HPSE2: variants seen among roughly 807,000 people sequenced by gnomAD.
The protein encoded by HPSE2 is inactive heparanase-2.
HPSE2 carries 38 observed loss-of-function variants against 60.5 expected under a neutral mutation model. That is an observed-to-expected ratio of 0.63 (90% CI 0.48 to 0.82). The LOEUF is 0.82. HPSE2 is among the 40% of genes least tolerant of loss of function. HPSE2 has a pLI of 0.00. For missense variants in HPSE2, 713 were observed against 740.4 expected, an observed-to-expected ratio of 0.96 and a Z score of 0.43; for synonymous variants, 295 against 293.2, an observed-to-expected ratio of 1.01 and a Z score of -0.06.
intron 9 of HPSE2, among the ~76,000 whole-genome samples, chr10:98,490,975 T>C (rs1941623814): frequency 6.6e-6 from 1 of 152,232 alleles, no homozygotes; most frequent in African/African-American, 2.4e-5. Flanking sequence ...GACATAAATA[T>C]AAAATTTACA....
At chr10:99,030,729 T>C (rs1394481930) in intron 3 of HPSE2, among the ~76,000 whole-genome samples, 1 of 152,214 alleles carries the variant, frequency 6.6e-6, no homozygotes, top group African/African-American at 2.4e-5. Flanking sequence ...AGCCAAGATT[T>C]GGAAGCAACC....
At chr10:99,054,234 G>A (rs1397533913) in intron 3 of HPSE2, among the ~76,000 whole-genome samples, 6 of 152,104 alleles carry the variant, frequency 3.9e-5, no homozygotes, top group Non-Finnish European at 8.8e-5. Context: ...GATAGTGCTA[G>A]GTTTATCAGA....
At chr10:99,146,713 T>G (rs1305492975) in intron 2 of HPSE2, among the ~76,000 whole-genome samples, 1 of 151,852 alleles carries the variant, frequency 6.6e-6, no homozygotes, top group South Asian at 2.1e-4. Flanking sequence ...ATACAAAAAT[T>G]AGCTGGGCGT....
chr10:98,543,157 G>C (rs1414919773), intron 9 of HPSE2, among the ~76,000 whole-genome samples: 1 of 152,164 alleles, frequency 6.6e-6, no homozygotes, highest in Non-Finnish European at 1.5e-5. Context: ...AGCCAGAAGA[G>C]AGTGGGGGCC....
chr10:99,072,927 CAAAA>C lies in HPSE2; in HGVS notation c.610+71307_610+71310del, dbSNP rs770699941. ...CTGGTGACAGAGCCAGGCTCCGTCT[CAAAA>C]AAAAAAAAAAAAAAAAAAAAAAAAA... On this transcript the variant is annotated intron_variant, in intron 3 of 11. Coordinates refer to ENST00000370552, the MANE Select transcript of HPSE2 (RefSeq NM_021828.5). Among the ~76,000 whole-genome samples, 7 of 88,026 alleles carry C rather than the reference CAAAA, an allele frequency of 8.0e-5. No homozygotes were observed. In the East Asian group the frequency reaches 1.2e-3, roughly 16 times the overall value. 57.7% of individuals were successfully genotyped at this position (88,026 alleles called of 152,430 possible). A position where few individuals can be genotyped will look rare whatever the true frequency, so the allele number is the denominator to read the frequency against.
At chr10:98,505,019 T>C (rs1274199597) in intron 9 of HPSE2, among the ~76,000 whole-genome samples, 2 of 152,234 alleles carry the variant, frequency 1.3e-5, no homozygotes, top group Non-Finnish European at 2.9e-5. Flanking sequence ...GGTTATTACA[T>C]GCACTTACAG....
intron 5 of HPSE2, among the ~76,000 whole-genome samples, chr10:98,695,226 T>A (rs1948181105): frequency 6.6e-6 from 1 of 151,568 alleles, no homozygotes; most frequent in Non-Finnish European, 1.5e-5. Flanking sequence ...AAGGACAGGA[T>A]GGGTCTGAGA....
chr10:99,007,934 C>T (rs1287923125), intron 3 of HPSE2, among the ~76,000 whole-genome samples: 5 of 152,188 alleles, frequency 3.3e-5, no homozygotes, highest in African/African-American at 9.6e-5. Context: ...ATGATGCTGC[C>T]ACCCTCTCCC....
At chr10:99,274,125 C>T in the HPSE2 span, among the ~76,000 whole-genome samples, 1 of 152,206 alleles carries the variant, frequency 6.6e-6, no homozygotes, top group African/African-American at 2.4e-5. Flanking sequence ...GCAGGCAGAT[C>T]GCTTGAGGCC....
At chr10:98,989,397 C>T (rs1211595024) in intron 3 of HPSE2, among the ~76,000 whole-genome samples, 1 of 148,586 alleles carries the variant, frequency 6.7e-6, no homozygotes. Context: ...ATCGCAAGGA[C>T]AAAAAACCAA....
Position 98,457,566 on chromosome 10 carries a change from G to C in HPSE2, c.*2008C>G, listed in dbSNP as rs1408212014. 1 of 152,262 alleles carries C rather than the reference G, an allele frequency of 6.6e-6. No homozygotes were observed. The highest frequency in any genetic ancestry group is 2.4e-5 in the African/African-American group (1 of 41,448). 9.4% of individuals were successfully genotyped at this position (152,262 alleles called of 1,614,324 possible). A position where few individuals can be genotyped will look rare whatever the true frequency, so the allele number is the denominator to read the frequency against. On this transcript the variant is annotated 3_prime_UTR_variant, in exon 12 of 12. Coordinates refer to ENST00000370552, the MANE Select transcript of HPSE2 (RefSeq NM_021828.5). ...GGGCCCTGCAGTCGCACCTGTACCA[G>C]TATGTAGAAGAGACGTTGATATCTG...
intron 3 of HPSE2, among the ~76,000 whole-genome samples, chr10:99,132,210 AGAGAGAGAGAG>A (rs1845449705): frequency 2.4e-4 from 7 of 28,954 alleles, no homozygotes; most frequent in African/African-American, 4.1e-4. Context: ...AGAGAGAGAG[AGAGAGAGAGAG>A]AGAGAGAGAG....
chr10:98,621,982 T>C (rs1454540706), intron 7 of HPSE2, among the ~76,000 whole-genome samples: 1 of 152,230 alleles, frequency 6.6e-6, no homozygotes, highest in Non-Finnish European at 1.5e-5. Context: ...ATTTAGGTCC[T>C]ATGGCCCCCC....
chr10:98,479,940 G>A (rs1339328146), intron 11 of HPSE2, among the ~76,000 whole-genome samples: 1 of 152,138 alleles, frequency 6.6e-6, no homozygotes, highest in Non-Finnish European at 1.5e-5. Context: ...AAAGATAAAT[G>A]GTAGCATCTG....
At chr10:98,905,139 C>T (rs966566810) in intron 3 of HPSE2, among the ~76,000 whole-genome samples, 3 of 151,654 alleles carry the variant, frequency 2.0e-5, no homozygotes, top group South Asian at 2.1e-4. Flanking sequence ...TACTTTTATA[C>T]GATTACTAAC....
chr10:98,458,247 C>T lies in HPSE2; in HGVS notation c.*1327G>A, dbSNP rs938995404. On this transcript the variant is annotated 3_prime_UTR_variant, in exon 12 of 12. Coordinates refer to ENST00000370552, the MANE Select transcript of HPSE2 (RefSeq NM_021828.5). ...CTTGGAACAGTGTCAAATCTCTCCTCCTTCTAACAAAAGCATCATTCCTGT... is the reference window on the plus strand; with the variant it reads ...CTTGGAACAGTGTCAAATCTCTCCTTCTTCTAACAAAAGCATCATTCCTGT... The T allele has an allele frequency of 6.6e-6, 1 of 152,198 alleles. No homozygotes were observed. The highest frequency in any genetic ancestry group is 2.4e-5 in the African/African-American group (1 of 41,444). The allele number at this position is 152,198 out of a possible 1,614,324, so 9.4% of individuals were successfully genotyped here. A position where few individuals can be genotyped will look rare whatever the true frequency, so the allele number is the denominator to read the frequency against.
chr10:99,056,861 T>C (rs1054683424), intron 3 of HPSE2, among the ~76,000 whole-genome samples: 4 of 152,200 alleles, frequency 2.6e-5, no homozygotes, highest in Non-Finnish European at 4.4e-5. Flanking sequence ...TGAGAAATCA[T>C]ATATCAATTG....
intron 3 of HPSE2, among the ~76,000 whole-genome samples, chr10:98,802,778 C>T (rs1180990470): frequency 7.0e-6 from 1 of 142,044 alleles, no homozygotes; most frequent in African/African-American, 2.7e-5. Context: ...CCACAATAAA[C>T]ATACGTGTGC....
intron 2 of HPSE2, among the ~76,000 whole-genome samples, chr10:99,148,062 C>T (rs1183658462): frequency 6.6e-6 from 1 of 152,198 alleles, no homozygotes; most frequent in African/African-American, 2.4e-5. Flanking sequence ...TAAGTCAGTG[C>T]TATGATATTG....
Sources: gnomAD v4.1 joint callset for allele counts (sites outside exome capture counted in the v4.1 genomes callset) on GRCh38, gnomAD v4.1.1 for gene constraint, MANE v1.5 for transcripts, NCBI Gene and HGNC (gene_info 2026-07-23, HGNC 2026-07-21) for gene names.